The following CTBS variants were observed in gnomAD, a reference collection of about 807,000 sequenced individuals.
CTBS encodes the protein chitobiase, also known as di-N-acetylchitobiase.
Under a neutral mutation model 44.3 loss-of-function variants are expected in CTBS, and 35 were observed. That is an observed-to-expected ratio of 0.79 (90% CI 0.60 to 1.05). The LOEUF is 1.05. CTBS is among the 50% of genes least tolerant of loss of function. CTBS has a pLI of 0.00. For synonymous variants in CTBS, 143 were observed against 168.0 expected (o/e 0.85, Z 1.15); for missense variants, 458 against 475.3 (o/e 0.96, Z 0.34).
rs746073945 is a variant in CTBS, at chr1:84,566,009, T to C, written c.529A>G (p.Thr177Ala). The change falls in exon 4 of 7, where the codon ACC becomes GCC. Residue 177 changes from threonine to alanine, a missense_variant. Thr to Ala is a moderately conservative substitution (Grantham distance 58). Coordinates refer to ENST00000370630, the MANE Select transcript of CTBS (RefSeq NM_004388.3). ...TTTGGAGACCAAGCTACATCAAAGG[T>C]TACCTGTGGAAAAAAATCTTACTAT... is the stretch of plus-strand genomic sequence containing the variant. ...FHREIEGSQV[T>A]FDVAWSPKNI... 6.6e-7 allele frequency: 1 copy of C among 1,521,910 alleles called. No individual in the cohort carries two copies. The highest frequency in any genetic ancestry group is 8.8e-7 in the Non-Finnish European group (1 of 1,135,916). The allele number at this position is 1,521,910 out of a possible 1,614,324, so 94.3% of individuals were successfully genotyped here. A position where few individuals can be genotyped will look rare whatever the true frequency, so the allele number is the denominator to read the frequency against.
At chr1:84,559,283 T>C (rs1264703497) in intron 6 of CTBS, among the ~76,000 whole-genome samples, 2 of 152,184 alleles carry the variant, frequency 1.3e-5, no homozygotes, top group Admixed American at 6.5e-5. Flanking sequence ...GATGCTACTA[T>C]TGTAATTGTT....
chr1:84,565,743 C>T (rs917231438), intron 4 of CTBS, 98 bp downstream of exon 4: 15 of 623,646 alleles, frequency 2.4e-5, no homozygotes, highest in African/African-American at 1.6e-4. Context: ...AATTGAAAAA[C>T]GTATACATAT....
Position 84,566,605 on chromosome 1 carries a change from C to T in CTBS, c.526-593G>A, listed in dbSNP as rs183335078. Among the ~76,000 whole-genome samples, 63 of 152,184 alleles carry T rather than the reference C, an allele frequency of 4.1e-4. 1 individual carries two copies. Among genetic ancestry groups the T allele is most frequent in the South Asian group, 1.2e-3 (6 of 4,830 alleles). ...AAATCATTTAAATGATCTTATTTTACGGAAATATTCAAATAAATGTTGAGT... is the reference window on the plus strand; with the variant it reads ...AAATCATTTAAATGATCTTATTTTATGGAAATATTCAAATAAATGTTGAGT... On this transcript the variant is annotated intron_variant, in intron 3 of 6. Coordinates refer to ENST00000370630, the MANE Select transcript of CTBS (RefSeq NM_004388.3).
In CTBS at chr1:84,574,411, G is replaced by A; in HGVS notation, c.5C>T (p.Ser2Phe). The change falls in exon 1 of 7, where the codon TCC (serine) becomes TTC (phenylalanine). Residue 2 changes from serine to phenylalanine, a missense_variant. Coordinates refer to ENST00000370630, the MANE Select transcript of CTBS (RefSeq NM_004388.3). The stretch of plus-strand genomic sequence containing the variant: ...GCGCCAGCGTCGAAGCTGCGGCCGG[G>A]ACATAGCAGCAGGTCTAGCGGGCCG... The part of the protein sequence containing the change: M[S>F]RPQLRRWRLV... 1.3e-6 allele frequency: 2 copies of A among 1,548,510 alleles called. No homozygotes were observed. The highest frequency in any genetic ancestry group is 2.4e-5 in the East Asian group (1 of 41,658).
Position 84,570,702 on chromosome 1 carries a change from C to T in CTBS, c.196G>A (p.Gly66Arg). 6.2e-7 allele frequency: 1 copy of T among 1,613,212 alleles called. No individual in the cohort carries two copies. The highest frequency in any genetic ancestry group is 1.7e-5 in the Admixed American group (1 of 59,790). ...PDFEVFVFDV[G>R]QKTWKSYDWS... Reference sequence around the variant, plus strand: ...TCATAAGATTTCCAAGTTTTCTGTCCAACATCAAACACAAAGACCTGCCAG... The same window carrying T: ...TCATAAGATTTCCAAGTTTTCTGTCTAACATCAAACACAAAGACCTGCCAG... Residue 66 changes from glycine (G) to arginine (R), a missense_variant, in exon 2 of 7, where the codon GGA becomes AGA. By Grantham distance (125) the Gly-to-Arg change is moderately radical (BLOSUM62 -2). Transcript: ENST00000370630.
intron 3 of CTBS, among the ~76,000 whole-genome samples, chr1:84,568,677 T>A (rs1164662791): frequency 1.3e-5 from 2 of 152,084 alleles, no homozygotes; most frequent in East Asian, 1.9e-4. Context: ...TAATCCCCAA[T>A]GTTGGAGGTA....
At chr1:84,557,929 A>G (rs1250880089) in intron 6 of CTBS, among the ~76,000 whole-genome samples, 3 of 152,102 alleles carry the variant, frequency 2.0e-5, no homozygotes, top group Non-Finnish European at 4.4e-5. Flanking sequence ...ATGGCCTTCA[A>G]TGCGCACCAA....
chr1:84,559,224 T>G (rs896151778), intron 6 of CTBS, among the ~76,000 whole-genome samples: 1 of 152,232 alleles, frequency 6.6e-6, no homozygotes, highest in Non-Finnish European at 1.5e-5. Context: ...CCAAACTTTT[T>G]CATTATTATT....
At chr1:84,558,174 A>T (rs1304462282) in intron 6 of CTBS, among the ~76,000 whole-genome samples, 1 of 152,224 alleles carries the variant, frequency 6.6e-6, no homozygotes, top group Non-Finnish European at 1.5e-5. Context: ...CATTTAAAAA[A>T]TGGTATGTGA....
In CTBS at chr1:84,574,312, A is replaced by G; in HGVS notation, c.104T>C (p.Leu35Pro). 1 of 1,553,132 alleles carries G rather than the reference A, an allele frequency of 6.4e-7. No individual in the cohort carries two copies. Among genetic ancestry groups the G allele is most frequent in the Non-Finnish European group, 8.6e-7 (1 of 1,156,486 alleles). ...GCATGGGCAGTCGGTCCCGGCCGCGAGCCGCAGCGCCAGCAGCGCCAGCAG... is the reference window on the plus strand; with the variant it reads ...GCATGGGCAGTCGGTCCCGGCCGCGGGCCGCAGCGCCAGCAGCGCCAGCAG... ...LALLALLALR[L>P]AAGTDCPCPE... The change falls in exon 1 of 7, where the codon CTC becomes CCC. Residue 35 changes from leucine to proline, a missense_variant. Transcript: ENST00000370630.
chr1:84,574,431 G>T lies in CTBS; in HGVS notation c.-16C>A, dbSNP rs1215015224. On this transcript the variant is annotated 5_prime_UTR_variant, in exon 1 of 7. Coordinates refer to ENST00000370630, the MANE Select transcript of CTBS (RefSeq NM_004388.3). Reference sequence around the variant, plus strand: ...GCCGGGACATAGCAGCAGGTCTAGCGGGCCGGAGTGGGTTCCTACCGCCTG... The same window carrying T: ...GCCGGGACATAGCAGCAGGTCTAGCTGGCCGGAGTGGGTTCCTACCGCCTG... The T allele has an allele frequency of 2.0e-6, 3 of 1,512,454 alleles. No homozygotes were observed. Among genetic ancestry groups the T allele is most frequent in the African/African-American group, 1.4e-5 (1 of 70,086 alleles). 93.7% of individuals were successfully genotyped at this position (1,512,454 alleles called of 1,614,324 possible). A position where few individuals can be genotyped will look rare whatever the true frequency, so the allele number is the denominator to read the frequency against.
In CTBS at chr1:84,574,298, C is replaced by G; in HGVS notation, c.118G>C (p.Asp40His). Residue 40 changes from aspartate to histidine, a missense_variant, in exon 1 of 7, where the codon GAC becomes CAC. Physicochemically the swap from Asp to His is moderately conservative, Grantham distance 81 (BLOSUM62 -1). Transcript: ENST00000370630. Reference sequence around the variant, plus strand: ...AGCTCAGGCTCCGGGCATGGGCAGTCGGTCCCGGCCGCGAGCCGCAGCGCC... The same window carrying G: ...AGCTCAGGCTCCGGGCATGGGCAGTGGGTCCCGGCCGCGAGCCGCAGCGCC... ...LLALRLAAGT[D>H]CPCPEPELCR... 1 of 1,565,744 alleles carries G rather than the reference C, an allele frequency of 6.4e-7. No homozygotes were observed. The highest frequency in any genetic ancestry group is 8.6e-7 in the Non-Finnish European group (1 of 1,160,536).
intron 1 of CTBS, 184 bp downstream of exon 1, chr1:84,574,055 C>T (rs1647393642): frequency 2.8e-6 from 4 of 1,438,160 alleles, no homozygotes; most frequent in Admixed American, 5.7e-5. Context: ...TGAGGAGTTA[C>T]TCAACTTCTC....
At chr1:84,555,546 G>GTA (rs920774372) in intron 6 of CTBS, among the ~76,000 whole-genome samples, 28 of 152,178 alleles carry the variant, frequency 1.8e-4, no homozygotes, top group Non-Finnish European at 2.9e-4. Flanking sequence ...AGGAACATCT[G>GTA]TACTTTCTAG....
At position 84,550,464 on chromosome 1, in the gene CTBS, G is replaced by A; in HGVS notation, c.*4535C>T. The A allele has an allele frequency of 6.4e-7, 1 of 1,564,864 alleles. No individual in the cohort carries two copies. The highest frequency in any genetic ancestry group is 1.8e-5 in the Admixed American group (1 of 54,856). ...TAATAATCCAGATCACTGAGGTACA[G>A]CATGCAATTGACCAGCTTAAGAGAA... is the stretch of plus-strand genomic sequence containing the variant. On this transcript the variant is annotated 3_prime_UTR_variant, in exon 7 of 7. Coordinates refer to ENST00000370630, the MANE Select transcript of CTBS (RefSeq NM_004388.3).
intron 3 of CTBS, among the ~76,000 whole-genome samples, chr1:84,566,606 G>A (rs187276884): frequency 5.9e-5 from 9 of 152,174 alleles, no homozygotes; most frequent in Non-Finnish European, 1.3e-4. Flanking sequence ...CTTATTTTAC[G>A]GAAATATTCA....
chr1:84,557,204 A>G (rs956936458), intron 6 of CTBS, among the ~76,000 whole-genome samples: 1 of 152,178 alleles, frequency 6.6e-6, no homozygotes, highest in Non-Finnish European at 1.5e-5. Context: ...TAAGACAGAA[A>G]CTTGATTCAT....
intron 6 of CTBS, chr1:84,556,119 A>G (rs1315978639): frequency 6.6e-6 from 1 of 152,136 alleles, no homozygotes; most frequent in African/African-American, 2.4e-5. Context: ...TCTTATGTTC[A>G]CCTTCCACCC....
At chr1:84,563,647 CT>C (rs1236522375) in intron 5 of CTBS, 87 bp downstream of exon 5, 2 of 819,266 alleles carry the variant, frequency 2.4e-6, no homozygotes, top group East Asian at 6.4e-5. Context: ...TTCAGAGATT[CT>C]AAAGTTTATA....
Sources: allele counts gnomAD v4.1 joint callset (sites outside exome capture counted in the v4.1 genomes callset), GRCh38; gene constraint gnomAD v4.1.1; transcripts MANE v1.5; gene names NCBI Gene and HGNC (gene_info 2026-07-23, HGNC 2026-07-21).